Variants in FAT3 observed in about 807,000 individuals in gnomAD.
The protein encoded by FAT3 is protocadherin Fat 3.
A neutral mutation model predicts 310.2 loss-of-function variants in FAT3; 95 were observed. The observed-to-expected ratio is 0.31, with a 90% CI of 0.26 to 0.36. The LOEUF is 0.36. FAT3 is among the 10% of genes least tolerant of loss of function. The pLI is 1.00. For synonymous variants in FAT3, 2,314 were observed against 2,192.9 expected (o/e 1.06, Z -1.54); for missense variants, 5,408 against 5,715.6 (o/e 0.95, Z 1.74).
intron 3 of FAT3, among the ~76,000 whole-genome samples, chr11:92,534,760 C>T (rs1468362240): frequency 6.6e-6 from 1 of 152,186 alleles, no homozygotes; most frequent in East Asian, 1.9e-4. Flanking sequence ...AGACAAGATT[C>T]ATGCCTGAAG....
chr11:92,443,638 T>G (rs543517747), intron 2 of FAT3, among the ~76,000 whole-genome samples: 9 of 152,214 alleles, frequency 5.9e-5, no homozygotes, highest in Non-Finnish European at 1.3e-4. Context: ...AAACATTACA[T>G]TTTGAGTTAT....
chr11:92,488,985 A>G (rs1015064081), intron 2 of FAT3, among the ~76,000 whole-genome samples: 1 of 152,162 alleles, frequency 6.6e-6, no homozygotes, highest in Non-Finnish European at 1.5e-5. Context: ...GGGTGATAGT[A>G]GTAGCTTACT....
At chr11:92,789,596 T>C (rs1565594528) in intron 7 of FAT3, among the ~76,000 whole-genome samples, 1 of 152,136 alleles carries the variant, frequency 6.6e-6, no homozygotes, top group Non-Finnish European at 1.5e-5. Flanking sequence ...TAATAAGAAC[T>C]TAAGATAATG....
intron 1 of FAT3, among the ~76,000 whole-genome samples, chr11:92,315,512 T>TATATATATATAGAGAG (rs1353970811): frequency 5.3e-5 from 3 of 56,168 alleles, no homozygotes; most frequent in Non-Finnish European, 1.0e-4. Context: ...TATATATATA[T>TATATATATATAGAGAG]AGAGAGAGAG....
At chr11:92,889,064 G>C (rs939761776) in intron 25 of FAT3, 125 bp from the exon 26 acceptor site, 44 of 537,266 alleles carry the variant, frequency 8.2e-5, no homozygotes, top group Non-Finnish European at 1.4e-4. Flanking sequence ...GGAGGCTTTG[G>C]GTGTTTGCAT....
At chr11:92,470,260 A>G (rs1385014741) in intron 2 of FAT3, among the ~76,000 whole-genome samples, 2 of 152,236 alleles carry the variant, frequency 1.3e-5, no homozygotes, top group South Asian at 4.1e-4. Context: ...TAAACTAAAG[A>G]CAATTATTCT....
intron 3 of FAT3, among the ~76,000 whole-genome samples, chr11:92,534,728 A>G (rs952583321): frequency 3.3e-5 from 5 of 152,216 alleles, no homozygotes; most frequent in African/African-American, 4.8e-5. Context: ...GTGCAGAGAA[A>G]AAGTAACATT....
intron 1 of FAT3, among the ~76,000 whole-genome samples, chr11:92,340,894 G>A (rs913550900): frequency 1.3e-5 from 2 of 152,156 alleles, no homozygotes. Context: ...CTAAGACGCA[G>A]TTGTCAAAAT....
chr11:92,513,877 C>T (rs1206489823), intron 2 of FAT3, among the ~76,000 whole-genome samples: 1 of 152,104 alleles, frequency 6.6e-6, no homozygotes, highest in East Asian at 1.9e-4. Context: ...TTCCCTGATC[C>T]ATACGCTGAT....
At chr11:92,748,334 C>A (rs987715251) in intron 4 of FAT3, among the ~76,000 whole-genome samples, 1 of 152,174 alleles carries the variant, frequency 6.6e-6, no homozygotes, top group African/African-American at 2.4e-5. Context: ...TCAGTTACCT[C>A]CACCTGGCCC....
At chr11:92,886,950 G>C in intron 24 of FAT3, 50 bp from the exon 25 acceptor site, 3 of 1,458,196 alleles carry the variant, frequency 2.1e-6, no homozygotes, top group Non-Finnish European at 2.8e-6. Context: ...CTGGAAATAG[G>C]CACAAGGTAA....
At chr11:92,814,058 C>A (rs1947754379) in intron 13 of FAT3, among the ~76,000 whole-genome samples, 1 of 152,134 alleles carries the variant, frequency 6.6e-6, no homozygotes, top group Admixed American at 6.5e-5. Context: ...TGGTGGAGGC[C>A]CATTTCAAAT....
intron 7 of FAT3, among the ~76,000 whole-genome samples, chr11:92,782,586 T>A (rs531337646): frequency 1.3e-5 from 2 of 152,178 alleles, no homozygotes; most frequent in African/African-American, 4.8e-5. Context: ...AAATAAAATT[T>A]AAAAGATAGG....
intron 2 of FAT3, among the ~76,000 whole-genome samples, chr11:92,471,962 A>G (rs1951919487): frequency 1.5e-5 from 2 of 134,982 alleles, no homozygotes; most frequent in South Asian, 2.4e-4. Flanking sequence ...TATATTCTGT[A>G]AGTTACATAC....
intron 13 of FAT3, among the ~76,000 whole-genome samples, chr11:92,829,517 A>G (rs1162485130): frequency 6.6e-6 from 1 of 152,184 alleles, no homozygotes; most frequent in East Asian, 1.9e-4. Context: ...ACACCCAGAC[A>G]GGGCCATTGT....
At chr11:92,553,981 T>A (rs1954917686) in intron 3 of FAT3, among the ~76,000 whole-genome samples, 2 of 151,868 alleles carry the variant, frequency 1.3e-5, no homozygotes, top group Admixed American at 1.3e-4. Flanking sequence ...AATGTTTGTA[T>A]CTTTAGTAGA....
rs1950520114 is a variant in FAT3, at chr11:92,420,842, G to C, written c.3292+65438G>C. On this transcript the variant is annotated intron_variant, in intron 2 of 27. Coordinates refer to ENST00000525166, the MANE Select transcript of FAT3 (RefSeq NM_001367949.2). ...CTTTTTATCAAATTGCTAAGAAACA[G>C]TAACTCAATTGATTTTAATGATTTC... is the stretch of plus-strand genomic sequence containing the variant. Among the ~76,000 whole-genome samples the C allele has an allele frequency of 2.6e-5, 4 of 152,082 alleles. No homozygotes were observed. In the South Asian group the frequency reaches 8.3e-4, roughly 31 times the overall value.
intron 4 of FAT3, among the ~76,000 whole-genome samples, chr11:92,755,707 ATC>A (rs1175799551): frequency 6.6e-6 from 1 of 152,216 alleles, no homozygotes; most frequent in Non-Finnish European, 1.5e-5. Flanking sequence ...TGAAAATTGA[ATC>A]TATCAAACCA....
intron 2 of FAT3, among the ~76,000 whole-genome samples, chr11:92,410,200 C>G (rs990340424): frequency 6.6e-6 from 1 of 152,046 alleles, no homozygotes; most frequent in African/African-American, 2.4e-5. Context: ...TTCTACAAAT[C>G]CAGAAGTCCT....
Sources: gnomAD v4.1 joint callset for allele counts (sites outside exome capture counted in the v4.1 genomes callset) on GRCh38, gnomAD v4.1.1 for gene constraint, MANE v1.5 for transcripts, NCBI Gene and HGNC (gene_info 2026-07-23, HGNC 2026-07-21) for gene names.